ZNF519: variants seen among roughly 807,000 people sequenced by gnomAD.
ZNF519 encodes the protein similar to Zinc finger protein 85 (Zinc finger protein HPF4) (HTF1).
ZNF519 carries 7 observed loss-of-function variants against 7.4 expected under a neutral mutation model. The observed-to-expected ratio is 0.94, with a 90% CI of 0.54 to 1.77. The LOEUF (loss-of-function observed/expected upper bound fraction) is 1.77, where lower values mean the gene tolerates loss of function less well. Ranked by LOEUF, ZNF519 falls within the 40% of genes most tolerant of loss-of-function variation. The probability of loss-of-function intolerance (pLI) is 0.00; values close to 1 mark genes in which losing one functional copy is unlikely to be tolerated. For missense variants in ZNF519, 586 were observed against 623.1 expected (o/e 0.94, Z 0.63); for synonymous variants, 179 against 203.3 (o/e 0.88, Z 1.02).
chr18:14,090,011 C>T lies in ZNF519; in HGVS notation c.131-4935G>A, dbSNP rs541041450. 4 of 152,406 alleles carry T rather than the reference C, an allele frequency of 2.6e-5. No individual in the cohort carries two copies. In the South Asian group the frequency reaches 8.3e-4, roughly 32 times the overall value. 9.4% of individuals were successfully genotyped at this position (152,406 alleles called of 1,614,324 possible). A position where few individuals can be genotyped will look rare whatever the true frequency, so the allele number is the denominator to read the frequency against. On this transcript the variant is annotated intron_variant and NMD_transcript_variant, in intron 2 of 4. Coordinates refer to the ZNF519 transcript ENST00000587419. Reference sequence around the variant, plus strand: ...GTAGAGCTGAGGCCTGGGCTGACCCCTTGGGAAGCTGGACGAGGTGACTGT... The same window carrying T: ...GTAGAGCTGAGGCCTGGGCTGACCCTTTGGGAAGCTGGACGAGGTGACTGT...
intron 2 of ZNF519, among the ~76,000 whole-genome samples, chr18:14,120,547 T>G (rs952910158): frequency 2.0e-5 from 3 of 152,100 alleles, no homozygotes; most frequent in Admixed American, 6.5e-5. Context: ...CAAGTGGGAC[T>G]GCATCAAAGT....
chr18:14,083,741 A>C (rs536898544), intron 3 of ZNF519, among the ~76,000 whole-genome samples: 1 of 152,298 alleles, frequency 6.6e-6, no homozygotes, highest in Non-Finnish European at 1.5e-5. Context: ...GGCCAGAATC[A>C]CACTGATTCA....
Position 14,106,211 on chromosome 18 carries a change from T to C in ZNF519, c.329A>G (p.Asn110Ser), listed in dbSNP as rs761498601. Reference sequence around the variant, plus strand: ...GTCTCCTTTCACAGTTAAATGTTTGTTATGACTAGTTGTCAAATATTGGCT... The same window carrying C: ...GTCTCCTTTCACAGTTAAATGTTTGCTATGACTAGTTGTCAAATATTGGCT... ...LCSQYLTTSH[N>S]KHLTVKGDKE... The change falls in exon 3 of 3, where the codon AAC (asparagine) becomes AGC (serine). Residue 110 changes from asparagine to serine, a missense_variant. Transcript: ENST00000590202. 2.0e-5 allele frequency: 33 copies of C among 1,613,264 alleles called. No homozygotes were observed. The highest frequency in any genetic ancestry group is 2.7e-5 in the African/African-American group (2 of 74,808).
chr18:14,123,755 T>C (rs1415827179), intron 2 of ZNF519, among the ~76,000 whole-genome samples: 1 of 151,918 alleles, frequency 6.6e-6, no homozygotes, highest in African/African-American at 2.4e-5. Context: ...ACAAAATGAA[T>C]GTAAAGGTGT....
chr18:14,108,578 A>G (rs2046205469), intron 2 of ZNF519, among the ~76,000 whole-genome samples: 1 of 152,012 alleles, frequency 6.6e-6, no homozygotes, highest in South Asian at 2.1e-4. Flanking sequence ...AATCGACTAA[A>G]CTCTCCAATC....
At chr18:14,082,187 T>G (rs888517886) in intron 3 of ZNF519, 2 of 152,126 alleles carry the variant, frequency 1.3e-5, no homozygotes, top group Non-Finnish European at 2.9e-5. Context: ...GAACACCACT[T>G]TAGTTTATTA....
At chr18:14,081,744 G>T (rs984630081) in intron 3 of ZNF519, among the ~76,000 whole-genome samples, 1 of 152,128 alleles carries the variant, frequency 6.6e-6, no homozygotes, top group African/African-American at 2.4e-5. Flanking sequence ...AGATTTTGCT[G>T]TGAACCTTAA....
At chr18:14,093,993 T>C (rs2143102893) in intron 2 of ZNF519, among the ~76,000 whole-genome samples, 1 of 152,388 alleles carries the variant, frequency 6.6e-6, no homozygotes, top group East Asian at 1.9e-4. Flanking sequence ...AAGATATTAC[T>C]AGACATTTCC....
chr18:14,124,981 A>G (rs1373319429), intron 1 of ZNF519, among the ~76,000 whole-genome samples: 1 of 152,224 alleles, frequency 6.6e-6, no homozygotes, highest in African/African-American at 2.4e-5. Flanking sequence ...TTCAATGTGC[A>G]TATAAATTAT....
intron 2 of ZNF519, among the ~76,000 whole-genome samples, chr18:14,086,788 T>TA (rs2046092208): frequency 1.3e-5 from 2 of 152,016 alleles, no homozygotes; most frequent in Admixed American, 1.3e-4. Flanking sequence ...CCTCTAATGC[T>TA]AAAAAAGCAG....
In ZNF519 at chr18:14,079,914, C is replaced by A. The variant is rs142289047; in HGVS notation, c.*178-1616G>T. Among the ~76,000 whole-genome samples, 329 of 151,198 alleles carry A rather than the reference C, an allele frequency of 2.2e-3. 2 individuals carry two copies. Among genetic ancestry groups the A allele is most frequent in the African/African-American group, 7.7e-3 (318 of 41,142 alleles). On this transcript the variant is annotated intron_variant and NMD_transcript_variant, in intron 3 of 4. Coordinates refer to the ZNF519 transcript ENST00000587419. ...AATAACTGATAACCATATAATTTAC[C>A]AAAATTAAACATTTCTACTCTGTGA...
At chr18:14,124,061 TA>T (rs201937335) in intron 2 of ZNF519, 4,827 of 175,726 alleles carry the variant, frequency 0.027, 78 homozygotes, top group Middle Eastern at 0.055. Flanking sequence ...TAATCCCAGC[TA>T]TTCGGGAGGT....
In ZNF519 at chr18:14,132,367, C is replaced by A. The variant is rs897252689; in HGVS notation, c.-90G>T. ...GCGACGGAGTGAGTGGCAGAATCACCGAAGTCTCCCGGAGCAGAGGACACA... is the reference window on the plus strand; with the variant it reads ...GCGACGGAGTGAGTGGCAGAATCACAGAAGTCTCCCGGAGCAGAGGACACA... On this transcript the variant is annotated 5_prime_UTR_variant, in exon 1 of 3. Coordinates refer to ENST00000590202, the MANE Select transcript of ZNF519 (RefSeq NM_145287.4). 5.3e-6 allele frequency: 8 copies of A among 1,514,028 alleles called. No homozygotes were observed. The highest frequency in any genetic ancestry group is 7.3e-6 in the Non-Finnish European group (8 of 1,093,014). The allele number at this position is 1,514,028 out of a possible 1,614,324, so 93.8% of individuals were successfully genotyped here.
chr18:14,096,124 G>C (rs1427702429), downstream of ZNF519, among the ~76,000 whole-genome samples: 1 of 152,190 alleles, frequency 6.6e-6, no homozygotes, highest in Non-Finnish European at 1.5e-5. Flanking sequence ...CCTGGTACTG[G>C]GTTTTGCCAT....
In ZNF519 at chr18:14,124,368, T is replaced by C. The variant is rs142048685; in HGVS notation, c.112A>G (p.Arg38Gly). ...TTCTCACCCAGGGAGACGAGGTTTCTGTAGTTCTCCAACATCACATCTCTA... is the reference window on the plus strand; with the variant it reads ...TTCTCACCCAGGGAGACGAGGTTTCCGTAGTTCTCCAACATCACATCTCTA... Reference protein sequence around the residue: ...LYRDVMLENYRNLVSLAVYSY... With the variant: ...LYRDVMLENYGNLVSLAVYSY... Residue 38 changes from arginine (R) to glycine (G), a missense_variant, in exon 2 of 3, where the codon AGA becomes GGA. Physicochemically the swap from Arg to Gly is moderately radical, Grantham distance 125. Transcript: ENST00000590202. 3 of 1,608,500 alleles carry C rather than the reference T, an allele frequency of 1.9e-6. No individual in the cohort carries two copies. The African/African-American group carries it at 4.0e-5, about 22-fold the overall frequency.
chr18:14,113,507 G>A (rs952161251), intron 2 of ZNF519, among the ~76,000 whole-genome samples: 4 of 152,170 alleles, frequency 2.6e-5, no homozygotes, highest in African/African-American at 9.7e-5. Context: ...GACCTCTTGA[G>A]GCTGTGTCAT....
At chr18:14,074,108 C>G (rs1276475834), downstream of ZNF519, 1 of 152,210 alleles carries the variant, frequency 6.6e-6, no homozygotes, top group Non-Finnish European at 1.5e-5. Flanking sequence ...GGATGAAGCT[C>G]TGCAGCAGAG....
chr18:14,077,128 G>A (rs1274879348), exon 5 of ZNF519: 1 of 152,118 alleles, frequency 6.6e-6, no homozygotes, highest in Non-Finnish European at 1.5e-5. Flanking sequence ...CAGATTTCAT[G>A]GCCATCAAAA....
chr18:14,114,451 T>C (rs138091086), intron 2 of ZNF519, among the ~76,000 whole-genome samples: 307 of 152,340 alleles, frequency 2.0e-3, no homozygotes, highest in African/African-American at 7.1e-3. Flanking sequence ...GCTATAGCTA[T>C]ATGGATTTAT....
Sources: gnomAD v4.1 joint callset for allele counts (sites outside exome capture counted in the v4.1 genomes callset) on GRCh38, gnomAD v4.1.1 for gene constraint, MANE v1.5 for transcripts, NCBI Gene and HGNC (gene_info 2026-07-23, HGNC 2026-07-21) for gene names.